The following CHRNA1 variants were observed in gnomAD, a reference collection of about 807,000 sequenced individuals.
CHRNA1 encodes the protein acetylcholine receptor subunit alpha.
In CHRNA1, 35 loss-of-function variants were observed where a neutral mutation model predicts 47.1. That is an observed-to-expected ratio of 0.74 (90% CI 0.57 to 0.99). The LOEUF is 0.99. CHRNA1 is among the 50% of genes least tolerant of loss of function. The pLI is 0.00. For missense variants in CHRNA1, 506 were observed against 591.1 expected (o/e 0.86, Z 1.49); for synonymous variants, 229 against 223.6 (o/e 1.02, Z -0.22).
chr2:174,757,743 G>T (rs1322156561), intron 3 of CHRNA1, 68 bp from the exon 4 acceptor site: 1 of 1,338,860 alleles, frequency 7.5e-7, no homozygotes, highest in Non-Finnish European at 1.1e-6. Flanking sequence ...GTTATCAAGA[G>T]CCCTGATGTG....
In CHRNA1 at chr2:174,753,525, T is replaced by G; in HGVS notation, c.756A>C (p.Val252=). 1 of 1,614,136 alleles carries G rather than the reference T, an allele frequency of 6.2e-7. No homozygotes were observed. The highest frequency in any genetic ancestry group is 8.5e-7 in the Non-Finnish European group (1 of 1,180,002). ...CACCTGAGTCTGTGGGCAGGTAGAA[T>G]ACCAGGCCAGTTAAGAAGGAGAAGA... ...CLLFSFLTGL[V]FYLPTDSGEK... is the part of the protein sequence containing the mutation. The change falls in exon 6 of 9, where the codon GTA becomes GTC. Residue 252 remains valine, a synonymous_variant. Coordinates refer to ENST00000348749, the MANE Select transcript of CHRNA1 (RefSeq NM_000079.4).
At position 174,748,155 on chromosome 2, in the gene CHRNA1, C is replaced by T. The variant is rs1683769492; in HGVS notation, c.1343G>A (p.Gly448Asp). ...CIIGTLAVFAGRLIELNQQG is the reference protein window; with the variant it reads ...CIIGTLAVFADRLIELNQQG Reference sequence around the variant, plus strand: ...TTGCTGATTTAATTCAATGAGTCGACCTGCAAACACGGCTAGGGTTCCGAT... The same window carrying T: ...TTGCTGATTTAATTCAATGAGTCGATCTGCAAACACGGCTAGGGTTCCGAT... The change falls in exon 9 of 9, where the codon GGT (glycine) becomes GAT (aspartate). Residue 448 changes from glycine (G) to aspartate (D), a missense_variant. By Grantham distance (94) the Gly-to-Asp change is moderately conservative. Coordinates refer to ENST00000348749, the MANE Select transcript of CHRNA1 (RefSeq NM_000079.4). 1 of 1,614,130 alleles carries T rather than the reference C, an allele frequency of 6.2e-7. No homozygotes were observed. Among genetic ancestry groups the T allele is most frequent in the Non-Finnish European group, 8.5e-7 (1 of 1,180,030 alleles).
rs2105344468 is a variant in CHRNA1 at position 174,748,829 on chromosome 2, A to T, written c.1003-10T>A. ...TAGTGTCGATAAAAACCTAACATAA[A>T]AAAGAAATCCATGCATGAGAATTAT... On this transcript the variant is annotated splice_polypyrimidine_tract_variant and intron_variant, in intron 7 of 8. Transcript: ENST00000348749. The T allele has an allele frequency of 6.2e-7, 1 of 1,613,720 alleles. No individual in the cohort carries two copies. The highest frequency in any genetic ancestry group is 8.5e-7 in the Non-Finnish European group (1 of 1,180,006).
intron 1 of CHRNA1, among the ~76,000 whole-genome samples, chr2:174,763,294 G>A (rs1433216742): frequency 6.7e-6 from 1 of 149,298 alleles, no homozygotes; most frequent in African/African-American, 2.5e-5. Flanking sequence ...TCCTGTGACT[G>A]TGGTTTTGCG....
chr2:174,748,346 A>C, intron 8 of CHRNA1, 91 bp from the exon 9 acceptor site: 1 of 1,558,740 alleles, frequency 6.4e-7, no homozygotes. Context: ...GGGCCCTTCA[A>C]TTTGTAGATC....
intron 6 of CHRNA1, 77 bp from the exon 7 acceptor site, chr2:174,750,246 C>A: frequency 9.0e-7 from 1 of 1,109,148 alleles, no homozygotes; most frequent in Admixed American, 1.9e-5. Flanking sequence ...TCCCACCCCA[C>A]CATTTATATG....
chr2:174,760,397 T>C (rs1228255399), intron 1 of CHRNA1, among the ~76,000 whole-genome samples: 2 of 152,190 alleles, frequency 1.3e-5, no homozygotes, highest in African/African-American at 4.8e-5. Flanking sequence ...TACTGACACA[T>C]GGTACAACAT....
chr2:174,759,971 C>A (rs1684071777), intron 1 of CHRNA1, among the ~76,000 whole-genome samples: 1 of 149,266 alleles, frequency 6.7e-6, no homozygotes, highest in Non-Finnish European at 1.5e-5. Flanking sequence ...AAAAAAAAGC[C>A]CACAAAAAAG....
rs557281141 is a variant in CHRNA1 at position 174,764,469 on chromosome 2, G to T, written c.-75C>A. On this transcript the variant is annotated 5_prime_UTR_variant, in exon 1 of 9. Transcript: ENST00000348749. Reference sequence around the variant, plus strand: ...TCACTGGCACTCTGGCTGGGTGCTTGTCTGCTGGAGGGTTTGGAAAGCGAG... The same window carrying T: ...TCACTGGCACTCTGGCTGGGTGCTTTTCTGCTGGAGGGTTTGGAAAGCGAG... The T allele has an allele frequency of 2.0e-6, 3 of 1,493,608 alleles. No homozygotes were observed. The East Asian group carries it at 7.0e-5, about 35-fold the overall frequency. The allele number at this position is 1,493,608 out of a possible 1,614,324, so 92.5% of individuals were successfully genotyped here.
intron 1 of CHRNA1, among the ~76,000 whole-genome samples, chr2:174,760,566 G>T (rs1013842202): frequency 1.1e-4 from 17 of 152,164 alleles, no homozygotes; most frequent in African/African-American, 3.9e-4. Context: ...AGAGGGATCG[G>T]GTGGGACTCC....
rs1354538943 is a variant in CHRNA1, at chr2:174,764,389, C to T, written c.6G>A (p.Glu2=). 3.1e-6 allele frequency: 5 copies of T among 1,613,138 alleles called. No individual in the cohort carries two copies. Among genetic ancestry groups the T allele is most frequent in the African/African-American group, 2.7e-5 (2 of 75,042 alleles). Residue 2 remains glutamate, a synonymous_variant, in exon 1 of 9, where the codon GAG becomes GAA. Coordinates refer to ENST00000348749, the MANE Select transcript of CHRNA1 (RefSeq NM_000079.4). ...TAAAGAGCAGGAGGAGAGGCCAGGG[C>T]TCCATGGGCTACCGGAGCTTGTGTG... M[E]PWPLLLLFSL...
chr2:174,759,456 G>C (rs552311968), intron 2 of CHRNA1, 32 bp downstream of exon 2: 6 of 1,614,164 alleles, frequency 3.7e-6, no homozygotes, highest in Non-Finnish European at 5.1e-6. Flanking sequence ...AGGTGTGGGT[G>C]TGTGGGCAGG....
rs527415466 is a variant in CHRNA1, at chr2:174,747,804, C to T, written c.*320G>A. On this transcript the variant is annotated 3_prime_UTR_variant, in exon 9 of 9. Transcript: ENST00000348749. ...ATAAGTAAATATATAAATATAACAG[C>T]AATGACAATGCAACAGAAAACCTCG... The T allele has an allele frequency of 5.7e-6, 2 of 349,302 alleles. No individual in the cohort carries two copies. Among genetic ancestry groups the T allele is most frequent in the East Asian group, 1.4e-4 (2 of 14,046 alleles). 21.6% of individuals were successfully genotyped at this position (349,302 alleles called of 1,614,324 possible). A position where few individuals can be genotyped will look rare whatever the true frequency, so the allele number is the denominator to read the frequency against.
intron 1 of CHRNA1, 131 bp from the exon 2 acceptor site, chr2:174,759,764 T>TA: frequency 8.3e-7 from 1 of 1,197,866 alleles, no homozygotes; most frequent in Non-Finnish European, 1.2e-6. Context: ...GCCTCCTTGT[T>TA]GAAAGGCTCC....
intron 4 of CHRNA1, among the ~76,000 whole-genome samples, chr2:174,756,836 G>A (rs1460751655): frequency 1.3e-5 from 2 of 152,156 alleles, no homozygotes; most frequent in Non-Finnish European, 2.9e-5. Context: ...GTTGTATAAT[G>A]TCAGACCATA....
chr2:174,763,326 GCGCGCACACA>G (rs1172989754), intron 1 of CHRNA1, among the ~76,000 whole-genome samples: 71 of 99,242 alleles, frequency 7.2e-4, no homozygotes, highest in South Asian at 3.3e-3. Flanking sequence ...GTGTGCACGC[GCGCGCACACA>G]CACACACACA....
intron 7 of CHRNA1, among the ~76,000 whole-genome samples, chr2:174,749,049 G>A (rs565937414): frequency 3.6e-4 from 55 of 152,172 alleles, no homozygotes; most frequent in Non-Finnish European, 5.3e-4. Context: ...AATGTGAGAA[G>A]TTCGCCACTG....
In CHRNA1 at chr2:174,764,341, C is replaced by T. The variant is rs1195813878; in HGVS notation, c.43+11G>A. 3.7e-6 allele frequency: 6 copies of T among 1,612,898 alleles called. No individual in the cohort carries two copies. In the Admixed American group the frequency reaches 5.0e-5, roughly 13 times the overall value. On this transcript the variant is annotated intron_variant, in intron 1 of 8. Transcript: ENST00000348749. ...GAGAGCCCTCTCCCCACCCCTGACC[C>T]CAGCACTTACCTGAGCAAAGGCTAA...
intron 1 of CHRNA1, among the ~76,000 whole-genome samples, chr2:174,760,872 C>T: frequency 6.6e-6 from 1 of 152,108 alleles, no homozygotes; most frequent in Non-Finnish European, 1.5e-5. Flanking sequence ...CTACATTTTC[C>T]TTCAGTATAG....
Sources: allele counts gnomAD v4.1 joint callset (sites outside exome capture counted in the v4.1 genomes callset), GRCh38; gene constraint gnomAD v4.1.1; transcripts MANE v1.5; gene names NCBI Gene and HGNC (gene_info 2026-07-23, HGNC 2026-07-21).